Variants in FUCA1 observed in about 807,000 individuals in gnomAD.
FUCA1 encodes alpha-L-fucosidase 1.
Under a neutral mutation model 56.8 loss-of-function variants are expected in FUCA1, and 52 were observed. That is an observed-to-expected ratio of 0.92 (90% confidence interval 0.73 to 1.15). The LOEUF (loss-of-function observed/expected upper bound fraction) is 1.15. FUCA1 is among the 50% of genes most tolerant of loss of function. FUCA1 has a pLI of 0.00. For synonymous variants in FUCA1, 230 were observed against 226.6 expected (o/e 1.02, Z -0.14); for missense variants, 568 against 592.6 (o/e 0.96, Z 0.43).
chr1:23,864,617 A>G (rs1020689087), intron 2 of FUCA1, among the ~76,000 whole-genome samples: 21 of 152,180 alleles, frequency 1.4e-4, no homozygotes, highest in Middle Eastern at 3.2e-3. Context: ...AATATCTCAG[A>G]GTTTTACAGC....
chr1:23,856,152 C>T (rs761635853), intron 4 of FUCA1, among the ~76,000 whole-genome samples: 8 of 152,116 alleles, frequency 5.3e-5, no homozygotes, highest in African/African-American at 1.9e-4. Context: ...ACAAAACCAA[C>T]CAAACAAACA....
intron 4 of FUCA1, among the ~76,000 whole-genome samples, chr1:23,856,710 G>A (rs1175897259): frequency 6.6e-6 from 1 of 152,148 alleles, no homozygotes; most frequent in Non-Finnish European, 1.5e-5. Context: ...AAGAGAGGCC[G>A]GCCGGGAGCG....
In FUCA1 at chr1:23,859,783, C is replaced by A; in HGVS notation, c.768+15G>T. 2 of 1,516,116 alleles carry A rather than the reference C, an allele frequency of 1.3e-6. No homozygotes were observed. The highest frequency in any genetic ancestry group is 2.2e-5 in the South Asian group (2 of 89,060). 93.9% of individuals were successfully genotyped at this position (1,516,116 alleles called of 1,614,324 possible). A position where few individuals can be genotyped will look rare whatever the true frequency, so the allele number is the denominator to read the frequency against. On this transcript the variant is annotated intron_variant, in intron 4 of 7. Transcript: ENST00000374479. ...TCTTCATAGGAGATAAATAAGAAGT[C>A]ATATAATCACATACCTTGACAGGGC...
intron 4 of FUCA1, among the ~76,000 whole-genome samples, chr1:23,855,254 T>C (rs998428791): frequency 6.6e-6 from 1 of 152,162 alleles, no homozygotes; most frequent in Non-Finnish European, 1.5e-5. Flanking sequence ...CTGAAACCAT[T>C]TGGGAGGCCA....
intron 4 of FUCA1, 134 bp from the exon 5 acceptor site, chr1:23,854,694 G>C (rs1416481826): frequency 1.7e-5 from 13 of 752,058 alleles, no homozygotes; most frequent in Non-Finnish European, 2.6e-5. Flanking sequence ...GGGCAATTTT[G>C]CTCTGGAGGG....
chr1:23,851,669 T>G (rs1404613690), intron 5 of FUCA1, among the ~76,000 whole-genome samples: 1 of 152,124 alleles, frequency 6.6e-6, no homozygotes, highest in Admixed American at 6.6e-5. Context: ...AAAGCTGGTT[T>G]TGCAGCCATA....
rs549728165 is a variant in FUCA1, at chr1:23,857,859, G to A, written c.768+1939C>T. ...TAATTTTTGTATTTTCAGTAGAGAC[G>A]GGGTTTCACCGTGTTAGCCAGGCTG... On this transcript the variant is annotated intron_variant, in intron 4 of 7. Transcript: ENST00000374479. Among the ~76,000 whole-genome samples, 15 of 151,498 alleles carry A rather than the reference G, an allele frequency of 9.9e-5. No homozygotes were observed. In the South Asian group the frequency reaches 3.1e-3, roughly 32 times the overall value.
In FUCA1 at chr1:23,845,641, G is replaced by C; in HGVS notation, c.*74C>G. The C allele has an allele frequency of 1.3e-6, 2 of 1,576,300 alleles. No homozygotes were observed. The highest frequency in any genetic ancestry group is 1.7e-6 in the Non-Finnish European group (2 of 1,145,684). ...GGAGAAGAGAAGTTCGTTGATTATA[G>C]TGATGGTACTATAAGAGAAAAACTG... is the stretch of plus-strand genomic sequence containing the variant. On this transcript the variant is annotated 3_prime_UTR_variant, in exon 8 of 8. Transcript: ENST00000374479.
intron 3 of FUCA1, among the ~76,000 whole-genome samples, chr1:23,860,824 A>G (rs1639495150): frequency 6.6e-6 from 1 of 151,666 alleles, no homozygotes; most frequent in Admixed American, 6.6e-5. Flanking sequence ...TTTTCAGTAC[A>G]GACAGTGTTT....
chr1:23,867,881 C>T lies in FUCA1; in HGVS notation c.389+17G>A. On this transcript the variant is annotated intron_variant, in intron 1 of 7. Transcript: ENST00000374479. This position sits in a 1 kb window ranked among gnomAD's most constrained non-coding sequence, Gnocchi z 4.9. ...CCCGAGCCGGGAAGGGGCGCCGCTC[C>T]CCGGGACCACACTCACTTGGCGCCC... The T allele has an allele frequency of 6.5e-7, 1 of 1,541,320 alleles. No individual in the cohort carries two copies. The highest frequency in any genetic ancestry group is 1.4e-5 in the African/African-American group (1 of 72,670).
At chr1:23,858,168 C>T (rs755168922) in intron 4 of FUCA1, among the ~76,000 whole-genome samples, 5 of 152,042 alleles carry the variant, frequency 3.3e-5, no homozygotes, top group African/African-American at 4.8e-5. Flanking sequence ...AGGTTCACAC[C>T]ATTCTCCTGC....
intron 5 of FUCA1, among the ~76,000 whole-genome samples, chr1:23,849,575 C>CTTTTTTTT (rs991049814): frequency 3.1e-4 from 25 of 80,260 alleles, no homozygotes; most frequent in African/African-American, 1.0e-3. Context: ...GAGATACGTT[C>CTTTTTTTT]TTTTTTTTTT....
At chr1:23,864,019 G>C (rs906615226) in intron 2 of FUCA1, among the ~76,000 whole-genome samples, 1 of 151,028 alleles carries the variant, frequency 6.6e-6, no homozygotes, top group African/African-American at 2.4e-5. Flanking sequence ...TTTCCACACA[G>C]TTGAAATGAA....
intron 3 of FUCA1, 118 bp downstream of exon 3, chr1:23,863,016 A>T: frequency 4.6e-6 from 5 of 1,081,426 alleles, no homozygotes; most frequent in Non-Finnish European, 7.0e-6. Context: ...ACTTTTTATT[A>T]TTTTGATGTC....
intron 5 of FUCA1, among the ~76,000 whole-genome samples, 175 bp downstream of exon 5, chr1:23,854,185 G>A (rs1639341673): frequency 6.6e-6 from 1 of 151,520 alleles, no homozygotes; most frequent in Non-Finnish European, 1.5e-5. Flanking sequence ...CTCCATCCCA[G>A]CCCCCTCCTA....
intron 6 of FUCA1, among the ~76,000 whole-genome samples, chr1:23,847,791 G>A (rs1184116855): frequency 1.3e-5 from 2 of 152,172 alleles, no homozygotes; most frequent in East Asian, 1.9e-4. Context: ...AGAGGCAGAG[G>A]CAGGTGGATC....
At chr1:23,859,576 A>C (rs1044847691) in intron 4 of FUCA1, among the ~76,000 whole-genome samples, 2 of 151,954 alleles carry the variant, frequency 1.3e-5, no homozygotes, top group Non-Finnish European at 1.5e-5. Flanking sequence ...AATTAAAAAA[A>C]AAAAAAAACA....
chr1:23,848,959 G>T, intron 5 of FUCA1, 120 bp from the exon 6 acceptor site: 3 of 857,910 alleles, frequency 3.5e-6, no homozygotes, highest in Non-Finnish European at 5.5e-6. Flanking sequence ...ATCCTCTGCT[G>T]TTTTAATTTT....
chr1:23,856,375 T>C (rs1275769287), intron 4 of FUCA1, among the ~76,000 whole-genome samples: 1 of 152,158 alleles, frequency 6.6e-6, no homozygotes, highest in Non-Finnish European at 1.5e-5. Context: ...CAGAAGCTAA[T>C]GCAGTACCCT....
Sources: gnomAD v4.1 joint callset for allele counts (sites outside exome capture counted in the v4.1 genomes callset) on GRCh38, gnomAD v4.1.1 for gene constraint, Gnocchi (gnomAD v3.1) non-coding constraint, MANE v1.5 for transcripts, NCBI Gene and HGNC (gene_info 2026-07-23, HGNC 2026-07-21) for gene names.